PMS2: variants seen among roughly 807,000 people sequenced by gnomAD.
PMS2 encodes the protein PMS1 homolog 2, mismatch repair system component.
Under a neutral mutation model 90.0 loss-of-function variants are expected in PMS2, and 69 were observed. The observed-to-expected ratio is 0.77, with a 90% CI of 0.63 to 0.94. PMS2 has a LOEUF of 0.94. PMS2 is among the 40% of genes least tolerant of loss of function. PMS2 has a pLI of 0.00. For synonymous variants in PMS2, 332 were observed against 375.1 expected (o/e 0.89, Z 1.33); for missense variants, 966 against 1,040.2 (o/e 0.93, Z 0.98).
At chr7:6,009,065 A>T (rs765248325), upstream of PMS2, 12 of 1,607,724 alleles carry the variant, frequency 7.5e-6, no homozygotes, top group Admixed American at 2.0e-4. Flanking sequence ...AGTTCCCTCC[A>T]GGGCTCCCAC....
At chr7:6,003,563 C>T (rs1347690787) in intron 4 of PMS2, 127 bp downstream of exon 4, 11 of 670,242 alleles carry the variant, frequency 1.6e-5, no homozygotes, top group East Asian at 2.7e-5. Flanking sequence ...GGCAGCGAGA[C>T]AAAACAGAAT....
rs748113698 is a variant in PMS2, at chr7:5,992,068, T to C, written c.904-11A>G. On this transcript the variant is annotated splice_polypyrimidine_tract_variant and intron_variant, in intron 8 of 14. Transcript: ENST00000265849. ...CACGAGTCTGCAGACCTGCACAAAA[T>C]ACAAGGAGTAGAAAAGAATAAATGA... The C allele has an allele frequency of 7.1e-6, 10 of 1,411,854 alleles. No homozygotes were observed. Among genetic ancestry groups the C allele is most frequent in the South Asian group, 5.8e-5 (5 of 86,954 alleles). 87.5% of individuals were successfully genotyped at this position (1,411,854 alleles called of 1,614,324 possible).
chr7:5,993,862 CAAAAA>C (rs61677497), intron 8 of PMS2, among the ~76,000 whole-genome samples: 4 of 38,940 alleles, frequency 1.0e-4, no homozygotes, highest in Non-Finnish European at 1.2e-4. Context: ...GACTCTGTCT[CAAAAA>C]AAAAAAAAAA....
chr7:5,986,511 G>C (rs1405393721), intron 11 of PMS2, among the ~76,000 whole-genome samples: 1 of 151,996 alleles, frequency 6.6e-6, no homozygotes, highest in East Asian at 1.9e-4. Flanking sequence ...AGCCAACATG[G>C]TGAAACCCTG....
At chr7:5,999,793 C>G (rs1784898592) in intron 5 of PMS2, among the ~76,000 whole-genome samples, 1 of 152,032 alleles carries the variant, frequency 6.6e-6, no homozygotes, top group South Asian at 2.1e-4. Flanking sequence ...GAGGCCCTAT[C>G]TCTAAAAATG....
chr7:5,988,420 T>A (rs1783323644), intron 10 of PMS2, among the ~76,000 whole-genome samples: 1 of 151,688 alleles, frequency 6.6e-6, no homozygotes, highest in Non-Finnish European at 1.5e-5. Context: ...TAGCAGGGCA[T>A]AGTGGAATGC....
At chr7:6,008,435 A>G (rs1168527483) in intron 1 of PMS2, among the ~76,000 whole-genome samples, 2 of 151,976 alleles carry the variant, frequency 1.3e-5, no homozygotes, top group African/African-American at 2.4e-5. Context: ...TGGACGCTCT[A>G]CCGTCCCCAA....
At chr7:5,983,541 T>G (rs1782534675) in intron 11 of PMS2, among the ~76,000 whole-genome samples, 4 of 151,940 alleles carry the variant, frequency 2.6e-5, no homozygotes, top group Admixed American at 2.6e-4. Context: ...TATAATTTTT[T>G]TTAATTTTAA....
chr7:6,007,504 C>G lies in PMS2; in HGVS notation c.24-1473G>C, dbSNP rs191289375. ...TAAGCAGGTCTCTGTCTAAACCGCT[C>G]TCCTCTTCCTCCTCTGCCCAAACAA... On this transcript the variant is annotated intron_variant, in intron 1 of 14. Coordinates refer to ENST00000265849, the MANE Select transcript of PMS2 (RefSeq NM_000535.7). Among the ~76,000 whole-genome samples, 67 of 152,268 alleles carry G rather than the reference C, an allele frequency of 4.4e-4. 1 individual carries two copies. Among genetic ancestry groups the G allele is most frequent in the South Asian group, 8.3e-4 (4 of 4,828 alleles).
chr7:5,996,313 A>G (rs7788441), intron 7 of PMS2, among the ~76,000 whole-genome samples: 103,556 of 151,808 alleles, frequency 0.68, 36,068 homozygotes, highest in East Asian at 0.82. Flanking sequence ...CAGAGCCTTG[A>G]GAGGCCAAGG....
intron 5 of PMS2, among the ~76,000 whole-genome samples, chr7:6,000,218 A>AG (rs979946105): frequency 1.2e-4 from 18 of 151,862 alleles, no homozygotes; most frequent in African/African-American, 4.4e-4. Flanking sequence ...TACAAAAAAA[A>AG]CAAAAATTAG....
At chr7:5,997,084 CG>C (rs1212072843) in intron 7 of PMS2, among the ~76,000 whole-genome samples, 1 of 151,726 alleles carries the variant, frequency 6.6e-6, no homozygotes, top group Non-Finnish European at 1.5e-5. Context: ...TGTGGTGGCA[CG>C]TGCCTGTAAT....
intron 12 of PMS2, among the ~76,000 whole-genome samples, chr7:5,979,821 C>G (rs1316745359): frequency 8.2e-6 from 1 of 122,496 alleles, no homozygotes; most frequent in Non-Finnish European, 1.8e-5. Flanking sequence ...GCATCTGGTC[C>G]TGAGTGCTGG....
chr7:5,987,726 T>C, intron 10 of PMS2, 106 bp from the exon 11 acceptor site: 1 of 992,772 alleles, frequency 1.0e-6, no homozygotes, highest in Middle Eastern at 2.1e-4. Context: ...CACATGCTAA[T>C]TACACAGATG....
At chr7:5,979,610 G>A (rs1583289640) in intron 12 of PMS2, among the ~76,000 whole-genome samples, 1 of 146,346 alleles carries the variant, frequency 6.8e-6, no homozygotes, top group African/African-American at 2.5e-5. Flanking sequence ...TTGCTATCCT[G>A]TTCCTTCCTC....
intron 7 of PMS2, among the ~76,000 whole-genome samples, chr7:5,996,419 G>A (rs924866903): frequency 6.6e-6 from 1 of 151,678 alleles, no homozygotes; most frequent in African/African-American, 2.4e-5. Flanking sequence ...GCCGGGCATG[G>A]TGGTGAACAC....
intron 13 of PMS2, among the ~76,000 whole-genome samples, chr7:5,978,272 A>ATTT (rs1252477687): frequency 2.1e-5 from 3 of 142,000 alleles, no homozygotes; most frequent in Admixed American, 7.0e-5. Flanking sequence ...TATAGTTCTG[A>ATTT]TTTTTTTTTT....
intron 13 of PMS2, among the ~76,000 whole-genome samples, chr7:5,978,033 T>C (rs1288152473): frequency 1.4e-4 from 21 of 149,490 alleles, no homozygotes; most frequent in Non-Finnish European, 2.2e-4. Context: ...GGCAGGAGAA[T>C]GGTGTGAACC....
Position 5,977,691 on chromosome 7 carries a change from T to C in PMS2, c.2342A>G (p.Gln781Arg), listed in dbSNP as rs1202545004. 1.2e-6 allele frequency: 2 copies of C among 1,606,340 alleles called. No homozygotes were observed. The highest frequency in any genetic ancestry group is 1.1e-5 in the South Asian group (1 of 90,618). ...CATGAAGATCAGTTCATCGACGTCC[T>C]GGGGTCCGAAGGTCCAGTTTTTACT... ...PTSKNWTFGP[Q>R]DVDELIFMLS... Residue 781 changes from glutamine (Q) to arginine (R), a missense_variant, in exon 14 of 15, where the codon CAG becomes CGG. Coordinates refer to ENST00000265849, the MANE Select transcript of PMS2 (RefSeq NM_000535.7).
Sources: allele counts gnomAD v4.1 joint callset (sites outside exome capture counted in the v4.1 genomes callset), GRCh38; gene constraint gnomAD v4.1.1; transcripts MANE v1.5; gene names NCBI Gene and HGNC (gene_info 2026-07-23, HGNC 2026-07-21).